The following SNX29 variants were observed in gnomAD, a reference collection of about 807,000 sequenced individuals.
SNX29 encodes the protein sorting nexin-29.
SNX29 carries 78 observed loss-of-function variants against 102.1 expected under a neutral mutation model. The observed-to-expected ratio is 0.76, with a 90% CI of 0.64 to 0.92. The LOEUF is 0.92. Among genes scored for constraint, SNX29 ranks in the 40% least tolerant of loss-of-function variants. The pLI is 0.00. For synonymous variants in SNX29, 580 were observed against 414.5 expected, an observed-to-expected ratio of 1.40 and a Z score of -4.85; for missense variants, 1,280 against 1,061.7, an observed-to-expected ratio of 1.21 and a Z score of -2.86.
rs2050775545 is a variant in SNX29 at position 12,061,555 on chromosome 16, C to T, written c.1152C>T (p.Ser384=). 2 of 1,608,916 alleles carry T rather than the reference C, an allele frequency of 1.2e-6. No individual in the cohort carries two copies. Among genetic ancestry groups the T allele is most frequent in the Admixed American group, 1.7e-5 (1 of 59,388 alleles). ...CACTGGAAGGGAACACCTGCCTCTC[C>T]CAGATGCACAGCTGGGCTCCGCTGA... ...EKPLEGNTCL[S]QMHSWAPLKV... The change falls in exon 9 of 21, where the codon TCC becomes TCT. Residue 384 remains serine, a synonymous_variant. Coordinates refer to ENST00000566228, the MANE Select transcript of SNX29 (RefSeq NM_032167.5).
chr16:12,547,309 T>C (rs894932750), intron 20 of SNX29, among the ~76,000 whole-genome samples: 10 of 152,140 alleles, frequency 6.6e-5, no homozygotes, highest in African/African-American at 2.2e-4. Context: ...GAAGCCAGGG[T>C]AGCCCAGGAA....
chr16:12,175,092 A>G (rs568433794), intron 13 of SNX29, among the ~76,000 whole-genome samples: 21 of 152,296 alleles, frequency 1.4e-4, no homozygotes, highest in African/African-American at 5.1e-4. Context: ...TTTGGGGATT[A>G]TTCTGTTTTT....
intron 18 of SNX29, among the ~76,000 whole-genome samples, chr16:12,466,508 A>G (rs2151775544): frequency 6.6e-6 from 1 of 152,336 alleles, no homozygotes; most frequent in African/African-American, 2.4e-5. Flanking sequence ...CTACTACCAG[A>G]TGAACCTGCC....
intron 18 of SNX29, among the ~76,000 whole-genome samples, chr16:12,405,151 G>A (rs1264562070): frequency 6.6e-6 from 1 of 152,174 alleles, no homozygotes; most frequent in Non-Finnish European, 1.5e-5. Flanking sequence ...GAGCTGGAAG[G>A]TGCAGCCTGG....
chr16:12,159,409 G>C (rs1033017210), intron 13 of SNX29, among the ~76,000 whole-genome samples: 1 of 152,234 alleles, frequency 6.6e-6, no homozygotes, highest in Non-Finnish European at 1.5e-5. Context: ...AACTCTCGCT[G>C]TTCTGTTTCT....
Position 12,069,111 on chromosome 16 carries a change from C to T in SNX29, c.1298C>T (p.Pro433Leu), listed in dbSNP as rs377646847. The T allele has an allele frequency of 5.0e-6, 8 of 1,613,500 alleles. No individual in the cohort carries two copies. The African/African-American group carries it at 6.7e-5, about 13-fold the overall frequency. ...ACAGGACCAGAGGACCACGTTCTCCCAGATCCTGGACTTCGGTACAGGTTA... is the reference window on the plus strand; with the variant it reads ...ACAGGACCAGAGGACCACGTTCTCCTAGATCCTGGACTTCGGTACAGGTTA... ...NGTGPEDHVL[P>L]DPGLRYSVEA... The change falls in exon 10 of 21, where the codon CCA becomes CTA. Residue 433 changes from proline (P) to leucine (L), a missense_variant. Pro to Leu is a moderately conservative substitution (Grantham distance 98, BLOSUM62 -3). Transcript: ENST00000566228.
intron 20 of SNX29, among the ~76,000 whole-genome samples, chr16:12,551,442 C>T (rs1444157219): frequency 1.3e-5 from 2 of 152,204 alleles, no homozygotes; most frequent in African/African-American, 2.4e-5. Context: ...GATCACCCAG[C>T]ATGCTTTTAA....
chr16:12,290,635 G>C (rs2079762561), intron 15 of SNX29, among the ~76,000 whole-genome samples: 1 of 152,174 alleles, frequency 6.6e-6, no homozygotes, highest in South Asian at 2.1e-4. Context: ...CTGTGACAAA[G>C]ACTGTGTGAT....
At chr16:12,116,988 T>C (rs2053739515) in intron 11 of SNX29, among the ~76,000 whole-genome samples, 1 of 150,354 alleles carries the variant, frequency 6.7e-6, no homozygotes, top group African/African-American at 2.5e-5. Context: ...GGATGAACCA[T>C]GGAAACAGGC....
intron 3 of SNX29, among the ~76,000 whole-genome samples, chr16:12,018,819 C>T (rs1029816264): frequency 6.6e-6 from 1 of 150,878 alleles, no homozygotes; most frequent in African/African-American, 2.4e-5. Flanking sequence ...AACTCCTGGG[C>T]TCAAGCTGTT....
At chr16:12,303,518 G>C (rs1172913997) in intron 15 of SNX29, among the ~76,000 whole-genome samples, 2 of 152,198 alleles carry the variant, frequency 1.3e-5, no homozygotes, top group Non-Finnish European at 2.9e-5. Context: ...TATGAGAAAA[G>C]TGTAGAATGG....
intron 15 of SNX29, among the ~76,000 whole-genome samples, chr16:12,324,809 T>G (rs1418759189): frequency 6.6e-6 from 1 of 152,090 alleles, no homozygotes; most frequent in Non-Finnish European, 1.5e-5. Flanking sequence ...TCTGGGAGGT[T>G]GCTGAAAACC....
At chr16:12,463,700 A>T (rs1046762030) in intron 18 of SNX29, among the ~76,000 whole-genome samples, 5 of 152,212 alleles carry the variant, frequency 3.3e-5, no homozygotes, top group African/African-American at 1.2e-4. Context: ...AAATTTTTAA[A>T]TATTGACAAA....
At chr16:12,178,292 G>A (rs146017703) in intron 13 of SNX29, among the ~76,000 whole-genome samples, 43 of 152,274 alleles carry the variant, frequency 2.8e-4, no homozygotes, top group Non-Finnish European at 4.9e-4. Flanking sequence ...TGATGTGGGG[G>A]TGGTGGTTAT....
intron 15 of SNX29, among the ~76,000 whole-genome samples, chr16:12,299,350 A>G (rs1305031223): frequency 6.6e-6 from 1 of 152,164 alleles, no homozygotes; most frequent in Non-Finnish European, 1.5e-5. Flanking sequence ...GATGTTTTCC[A>G]GTTCATCACA....
At chr16:12,047,505 A>T (rs1346764272) in intron 6 of SNX29, among the ~76,000 whole-genome samples, 2 of 152,000 alleles carry the variant, frequency 1.3e-5, no homozygotes, top group East Asian at 1.9e-4. Flanking sequence ...GATGTTAACC[A>T]GTGCACATTT....
At chr16:12,170,046 G>C (rs535651772) in intron 13 of SNX29, among the ~76,000 whole-genome samples, 1 of 152,252 alleles carries the variant, frequency 6.6e-6, no homozygotes, top group African/African-American at 2.4e-5. Context: ...CACTTGGGCT[G>C]GATAATCCTT....
intron 18 of SNX29, among the ~76,000 whole-genome samples, chr16:12,462,439 A>C (rs1316405028): frequency 6.6e-6 from 1 of 152,172 alleles, no homozygotes; most frequent in South Asian, 2.1e-4. Flanking sequence ...AATAGCATTT[A>C]ATTTTTCTGT....
At chr16:12,553,813 C>T (rs199822984) in intron 20 of SNX29, among the ~76,000 whole-genome samples, 2 of 152,092 alleles carry the variant, frequency 1.3e-5, no homozygotes, top group East Asian at 1.9e-4. Context: ...GTCTCGAACT[C>T]CTGACCTTGT....
Sources: allele counts gnomAD v4.1 joint callset (sites outside exome capture counted in the v4.1 genomes callset), GRCh38; gene constraint gnomAD v4.1.1; transcripts MANE v1.5; gene names NCBI Gene and HGNC (gene_info 2026-07-23, HGNC 2026-07-21).